The following TAF3 variants were observed in gnomAD, a reference collection of about 807,000 sequenced individuals.
The protein encoded by TAF3 is TATA-box binding protein associated factor 3, also known as transcription initiation factor TFIID subunit 3.
Under a neutral mutation model 80.6 loss-of-function variants are expected in TAF3, and 7 were observed. The ratio of observed to expected loss-of-function variants is 0.09; its 90% CI spans 0.05 to 0.16. The LOEUF (loss-of-function observed/expected upper bound fraction) is 0.16. Among genes scored for constraint, TAF3 ranks in the 10% least tolerant of loss-of-function variants. The pLI, the probability that TAF3 is intolerant of heterozygous loss-of-function variation, is 1.00. For synonymous variants in TAF3, 444 were observed against 446.1 expected (o/e 1.00, Z 0.06); for missense variants, 921 against 1,140.2 (o/e 0.81, Z 2.77).
chr10:7,823,726 C>G (rs957565996), intron 1 of TAF3, among the ~76,000 whole-genome samples: 1 of 151,704 alleles, frequency 6.6e-6, no homozygotes, highest in Admixed American at 6.6e-5. Context: ...CCTCCGCCTC[C>G]TGGGTTTGAG....
chr10:7,915,909 C>CAG (rs1837707506), intron 2 of TAF3, among the ~76,000 whole-genome samples: 1 of 150,862 alleles, frequency 6.6e-6, no homozygotes, highest in East Asian at 1.9e-4. Context: ...ATCTGGGAGG[C>CAG]AGAGAGTGCA....
At chr10:7,994,988 A>G (rs1007026195) in intron 4 of TAF3, among the ~76,000 whole-genome samples, 7 of 151,152 alleles carry the variant, frequency 4.6e-5, no homozygotes, top group African/African-American at 1.7e-4. Flanking sequence ...AAAAAAAAAA[A>G]AAAAAAAGAA....
intron 2 of TAF3, among the ~76,000 whole-genome samples, chr10:7,924,741 C>G (rs1487631810): frequency 6.6e-6 from 1 of 151,642 alleles, no homozygotes; most frequent in African/African-American, 2.4e-5. Context: ...CCCAACAGAA[C>G]ACTATCTGTG....
At chr10:7,883,457 TGGTGACTTCCAG>T (rs1227170005) in intron 2 of TAF3, among the ~76,000 whole-genome samples, 1 of 152,226 alleles carries the variant, frequency 6.6e-6, no homozygotes, top group African/African-American at 2.4e-5. Flanking sequence ...TTGGCTAAAG[TGGTGACTTCCAG>T]ATTTCTCCAT....
intron 2 of TAF3, among the ~76,000 whole-genome samples, chr10:7,930,128 A>C (rs1837854852): frequency 6.6e-6 from 1 of 152,152 alleles, no homozygotes; most frequent in Non-Finnish European, 1.5e-5. Flanking sequence ...AGCCCAGGGA[A>C]GTCAAGACTG....
At chr10:7,954,816 C>T (rs1216597671) in intron 2 of TAF3, among the ~76,000 whole-genome samples, 1 of 140,494 alleles carries the variant, frequency 7.1e-6, no homozygotes, top group East Asian at 2.4e-4. Context: ...TGAATTAGTT[C>T]TAGTTAACAC....
At chr10:8,002,824 A>T (rs1188082514) in intron 4 of TAF3, among the ~76,000 whole-genome samples, 1 of 152,122 alleles carries the variant, frequency 6.6e-6, no homozygotes, top group African/African-American at 2.4e-5. Flanking sequence ...TCTGTTTCTT[A>T]CTGTTCTGTC....
intron 2 of TAF3, among the ~76,000 whole-genome samples, chr10:7,891,461 A>G (rs528511212): frequency 5.3e-5 from 8 of 152,340 alleles, no homozygotes; most frequent in South Asian, 4.1e-4. Context: ...AACTTGCACT[A>G]TGGTCCAAAC....
intron 3 of TAF3, among the ~76,000 whole-genome samples, chr10:7,970,915 C>T (rs1017040274): frequency 2.0e-5 from 3 of 152,084 alleles, no homozygotes; most frequent in Non-Finnish European, 4.4e-5. Context: ...CTTTTCTCAT[C>T]AGCTATTGTA....
chr10:7,936,016 T>C (rs973595022), intron 2 of TAF3, among the ~76,000 whole-genome samples: 1 of 152,072 alleles, frequency 6.6e-6, no homozygotes, highest in Non-Finnish European at 1.5e-5. Context: ...CAAGTCCTGA[T>C]GGAGGCTGTG....
chr10:7,884,919 A>C (rs963263212), intron 2 of TAF3, among the ~76,000 whole-genome samples: 1 of 152,194 alleles, frequency 6.6e-6, no homozygotes, highest in Non-Finnish European at 1.5e-5. Flanking sequence ...CTATCTGTGT[A>C]ATTCTAGAAT....
In TAF3 at chr10:7,897,570, G is replaced by A. The variant is rs938750701; in HGVS notation, c.410-66350G>A. Among the ~76,000 whole-genome samples, 10 of 151,916 alleles carry A rather than the reference G, an allele frequency of 6.6e-5. No homozygotes were observed. The East Asian group carries it at 1.9e-3, about 29-fold the overall frequency. ...GGCAACTGATGGGCTCTTTTAATCT[G>A]ATAATCCATACCCTTCGGTTCTTAG... On this transcript the variant is annotated intron_variant, in intron 2 of 6. Transcript: ENST00000344293.
chr10:7,927,002 A>G (rs904895282), intron 2 of TAF3, among the ~76,000 whole-genome samples: 1 of 152,164 alleles, frequency 6.6e-6, no homozygotes. Context: ...CATGGAAAAT[A>G]CTACACATGG....
chr10:7,884,220 G>A (rs568781071), intron 2 of TAF3, among the ~76,000 whole-genome samples: 1 of 152,238 alleles, frequency 6.6e-6, no homozygotes, highest in Non-Finnish European at 1.5e-5. Flanking sequence ...TGCTTCAGCT[G>A]TACCCGGTTT....
At chr10:7,983,728 A>G (rs1026795942) in intron 4 of TAF3, among the ~76,000 whole-genome samples, 4 of 152,162 alleles carry the variant, frequency 2.6e-5, no homozygotes, top group East Asian at 1.9e-4. Context: ...ACTCCCAGCT[A>G]CTTGGGAGGC....
At chr10:7,819,594 G>A (rs554686436) in intron 1 of TAF3, among the ~76,000 whole-genome samples, 1 of 152,268 alleles carries the variant, frequency 6.6e-6, no homozygotes, top group African/African-American at 2.4e-5. Flanking sequence ...TTAAATGAAT[G>A]TCTGGTAATA....
intron 2 of TAF3, among the ~76,000 whole-genome samples, chr10:7,857,808 T>G (rs1482643869): frequency 6.6e-6 from 1 of 152,088 alleles, no homozygotes; most frequent in Non-Finnish European, 1.5e-5. Context: ...AGGGGAAAAT[T>G]AGAGAAGTTA....
At chr10:7,888,676 A>C (rs1237883101) in intron 2 of TAF3, among the ~76,000 whole-genome samples, 1 of 152,206 alleles carries the variant, frequency 6.6e-6, no homozygotes, top group Non-Finnish European at 1.5e-5. Flanking sequence ...AAAAGATGCT[A>C]GCCTAAAAGC....
intron 2 of TAF3, among the ~76,000 whole-genome samples, chr10:7,933,777 C>T (rs1837891158): frequency 6.6e-6 from 1 of 152,164 alleles, no homozygotes; most frequent in Admixed American, 6.5e-5. Context: ...AAAGAATGTA[C>T]AATATATAGA....
Sources: allele counts gnomAD v4.1 joint callset (sites outside exome capture counted in the v4.1 genomes callset), GRCh38; gene constraint gnomAD v4.1.1; transcripts MANE v1.5; gene names NCBI Gene and HGNC (gene_info 2026-07-23, HGNC 2026-07-21).